Variants in MYO7B observed in about 807,000 individuals in gnomAD.
MYO7B encodes the protein myosin VIIB.
Under a neutral mutation model 259.7 loss-of-function variants are expected in MYO7B, and 212 were observed. That is an observed-to-expected ratio of 0.82 (90% CI 0.73 to 0.91). MYO7B has a LOEUF of 0.91. Among genes scored for constraint, MYO7B ranks in the 40% least tolerant of loss-of-function variants. The pLI is 0.00. For synonymous variants in MYO7B, 1,197 were observed against 1,166.4 expected (o/e 1.03, Z -0.54); for missense variants, 2,732 against 2,813.5 (o/e 0.97, Z 0.66).
At position 127,608,839 on chromosome 2, in the gene MYO7B, G is replaced by T. The variant is rs1462273761; in HGVS notation, c.2775G>T (p.Met925Ile). ...AGGTGTTCGGCTTCCTCCCTGCCAT[G>T]ATTGGGGGCCAGGAGGGCCAGGCCT... ...VEKVFGFLPA[M>I]IGGQEGQASP... Residue 925 changes from methionine (M) to isoleucine (I), a missense_variant, in exon 22 of 48, where the codon ATG becomes ATT. By Grantham distance (10) the Met-to-Ile change is conservative. Around this residue, in one of 3 missense-constraint regions of MYO7B, gnomAD observed 1,906 missense variants for 2,026.4 expected, o/e 0.94. Coordinates refer to ENST00000409816, the MANE Select transcript of MYO7B (RefSeq NM_001393586.1). The T allele has an allele frequency of 3.1e-6, 5 of 1,613,498 alleles. No homozygotes were observed. In the East Asian group the frequency reaches 1.1e-4, roughly 36 times the overall value.
At position 127,627,379 on chromosome 2, in the gene MYO7B, G is replaced by T; in HGVS notation, c.4460+69G>T. ...TGTGATGCATCTGGGGGCTCGGGGA[G>T]AGATGGGGAGAGGGGCAGTGTGCCG... On this transcript the variant is annotated intron_variant, in intron 33 of 47. Coordinates refer to ENST00000409816, the MANE Select transcript of MYO7B (RefSeq NM_001393586.1). The surrounding 1 kb of genome is among the most constrained non-coding windows in gnomAD (Gnocchi z 5.6). 3 of 1,503,566 alleles carry T rather than the reference G, an allele frequency of 2.0e-6. No individual in the cohort carries two copies. Among genetic ancestry groups the T allele is most frequent in the Non-Finnish European group, 1.8e-6 (2 of 1,099,874 alleles). 93.1% of individuals were successfully genotyped at this position (1,503,566 alleles called of 1,614,324 possible). A position where few individuals can be genotyped will look rare whatever the true frequency, so the allele number is the denominator to read the frequency against.
At chr2:127,564,077 C>T (rs1430665836) in intron 2 of MYO7B, 76 bp from the exon 3 acceptor site, 4 of 1,104,140 alleles carry the variant, frequency 3.6e-6, no homozygotes, top group Middle Eastern at 2.0e-4. Flanking sequence ...GGCATAGCCC[C>T]GAAGAGAAGT....
intron 3 of MYO7B, 87 bp downstream of exon 3, chr2:127,564,353 C>A: frequency 9.0e-7 from 1 of 1,105,226 alleles, no homozygotes; most frequent in Non-Finnish European, 1.3e-6. Flanking sequence ...AGCCTCTCCC[C>A]AACACCAGGG....
At chr2:127,536,116 G>A (rs1001743012) in intron 1 of MYO7B, among the ~76,000 whole-genome samples, 1 of 152,148 alleles carries the variant, frequency 6.6e-6, no homozygotes, top group East Asian at 1.9e-4. Flanking sequence ...GGGAACGGCA[G>A]GTGCCAAGGC....
chr2:127,620,274 A>C, intron 26 of MYO7B, 66 bp from the exon 27 acceptor site: 1 of 1,544,970 alleles, frequency 6.5e-7, no homozygotes, highest in East Asian at 2.3e-5. Context: ...CTGTGTGCCC[A>C]GGTACCCCTG....
chr2:127,610,534 C>T (rs1353188015), intron 24 of MYO7B, among the ~76,000 whole-genome samples: 1 of 152,254 alleles, frequency 6.6e-6, no homozygotes, highest in Non-Finnish European at 1.5e-5. Flanking sequence ...GCTCCTGACC[C>T]ATGTTCTACC....
rs374003962 is a variant in MYO7B at position 127,623,341 on chromosome 2, T to C, written c.3785T>C (p.Leu1262Pro). The change falls in exon 29 of 48, where the codon CTG (leucine) becomes CCG (proline). Residue 1262 changes from leucine (L) to proline (P), a missense_variant. Coordinates refer to ENST00000409816, the MANE Select transcript of MYO7B (RefSeq NM_001393586.1). ...IAHKQGLSDHLGFSLQVAVYD... is the reference protein window; with the variant it reads ...IAHKQGLSDHPGFSLQVAVYD... ...CACAAGCAGGGCCTCAGCGACCACC[T>C]GGGCTTCTCCCTCCAGGTCGCCGTG... 1 of 1,607,346 alleles carries C rather than the reference T, an allele frequency of 6.2e-7. No individual in the cohort carries two copies. The highest frequency in any genetic ancestry group is 1.3e-5 in the African/African-American group (1 of 74,748).
intron 36 of MYO7B, 49 bp downstream of exon 36, chr2:127,630,957 C>T (rs1461736908): frequency 2.0e-6 from 3 of 1,514,660 alleles, no homozygotes; most frequent in Non-Finnish European, 2.7e-6. Flanking sequence ...CTCCCAGCCC[C>T]ACCTCACCTC....
intron 6 of MYO7B, among the ~76,000 whole-genome samples, chr2:127,570,582 T>A (rs1181730588): frequency 6.6e-6 from 1 of 152,260 alleles, no homozygotes; most frequent in Non-Finnish European, 1.5e-5. Context: ...ACAGTCTCTC[T>A]CGTTTCTTTA....
At chr2:127,591,752 A>G (rs1228239670) in intron 16 of MYO7B, among the ~76,000 whole-genome samples, 1 of 152,108 alleles carries the variant, frequency 6.6e-6, no homozygotes, top group Non-Finnish European at 1.5e-5. Flanking sequence ...GTAGGTGGAG[A>G]GGGGCTCTCT....
chr2:127,615,169 C>A lies in MYO7B; in HGVS notation c.3398+2566C>A, dbSNP rs900128021. Among the ~76,000 whole-genome samples the A allele has an allele frequency of 1.3e-5, 2 of 152,120 alleles. No individual in the cohort carries two copies. The highest frequency in any genetic ancestry group is 2.9e-5 in the Non-Finnish European group (2 of 68,012). On this transcript the variant is annotated intron_variant, in intron 26 of 47. Transcript: ENST00000409816. This position sits in a 1 kb window ranked among gnomAD's most constrained non-coding sequence, Gnocchi z 4.4. The stretch of plus-strand genomic sequence containing the variant: ...TAAGATGGAGGTCTGTTCAGGGCCC[C>A]ACAGGTGCACCAAGGAGGAGTGGCC...
chr2:127,595,894 AAT>A (rs1679752555), intron 18 of MYO7B, among the ~76,000 whole-genome samples: 1 of 152,128 alleles, frequency 6.6e-6, no homozygotes, highest in Non-Finnish European at 1.5e-5. Flanking sequence ...TTATGTGATC[AAT>A]TTTAGAGTAA....
chr2:127,590,342 G>T lies in MYO7B; in HGVS notation c.1992+113G>T. 7.0e-7 allele frequency: 1 copy of T among 1,438,422 alleles called. No individual in the cohort carries two copies. The highest frequency in any genetic ancestry group is 1.4e-5 in the African/African-American group (1 of 71,222). The allele number at this position is 1,438,422 out of a possible 1,614,324, so 89.1% of individuals were successfully genotyped here. A position where few individuals can be genotyped will look rare whatever the true frequency, so the allele number is the denominator to read the frequency against. On this transcript the variant is annotated intron_variant, in intron 16 of 47. Coordinates refer to ENST00000409816, the MANE Select transcript of MYO7B (RefSeq NM_001393586.1). This position sits in a 1 kb window ranked among gnomAD's most constrained non-coding sequence, Gnocchi z 4.6. ...CCTGGCTAGCGTTAGAGCTGTTACT[G>T]CCCCTACCTTACAGATAAGTACACT...
Position 127,628,196 on chromosome 2 carries a change from C to T in MYO7B, c.4461-176C>T, listed in dbSNP as rs1681254848. The T allele has an allele frequency of 3.8e-6, 3 of 786,652 alleles. No individual in the cohort carries two copies. Among genetic ancestry groups the T allele is most frequent in the Non-Finnish European group, 6.5e-6 (3 of 464,446 alleles). The allele number at this position is 786,652 out of a possible 1,614,324, so 48.7% of individuals were successfully genotyped here. Reference sequence around the variant, plus strand: ...AGCCTCCGAGAGGTCCTGTGCTCCGCCGTCCTTCATTTGTCCAGACCCACA... The same window carrying T: ...AGCCTCCGAGAGGTCCTGTGCTCCGTCGTCCTTCATTTGTCCAGACCCACA... On this transcript the variant is annotated intron_variant, in intron 33 of 47. Transcript: ENST00000409816. The surrounding 1 kb of genome is among the most constrained non-coding windows in gnomAD (Gnocchi z 4.8).
rs1228878770 is a variant in MYO7B at position 127,592,833 on chromosome 2, T to G, written c.2032T>G (p.Ser678Ala). The G allele has an allele frequency of 6.2e-7, 1 of 1,610,208 alleles. No individual in the cohort carries two copies. The highest frequency in any genetic ancestry group is 1.7e-5 in the Admixed American group (1 of 59,812). ...RELCLRQLRY[S>A]GMMETVHIRK... ...GCTGTGCCTGCGGCAGCTGCGATACTCGGGCATGATGGAGACCGTGCACAT... is the reference window on the plus strand; with the variant it reads ...GCTGTGCCTGCGGCAGCTGCGATACGCGGGCATGATGGAGACCGTGCACAT... Residue 678 changes from serine to alanine, a missense_variant, in exon 17 of 48, where the codon TCG becomes GCG. By Grantham distance (99) the Ser-to-Ala change is moderately conservative (BLOSUM62 1). Transcript: ENST00000409816.
chr2:127,561,639 A>G (rs1233526673), intron 2 of MYO7B, among the ~76,000 whole-genome samples: 1 of 152,204 alleles, frequency 6.6e-6, no homozygotes, highest in Non-Finnish European at 1.5e-5. Context: ...GCCATAGGGC[A>G]TTCCATCTTC....
chr2:127,598,354 T>C (rs1679845708), intron 19 of MYO7B, among the ~76,000 whole-genome samples: 1 of 152,246 alleles, frequency 6.6e-6, no homozygotes, highest in South Asian at 2.1e-4. Flanking sequence ...TTTCCCGATG[T>C]GGAACACCTT....
chr2:127,631,987 G>A (rs1423788846), intron 38 of MYO7B, among the ~76,000 whole-genome samples: 1 of 152,232 alleles, frequency 6.6e-6, no homozygotes, highest in Admixed American at 6.5e-5. Flanking sequence ...GTGTGACCTG[G>A]CAGGCCATGA....
At chr2:127,629,030 C>T (rs1681314783) in intron 34 of MYO7B, among the ~76,000 whole-genome samples, 1 of 152,202 alleles carries the variant, frequency 6.6e-6, no homozygotes, top group Non-Finnish European at 1.5e-5. Context: ...TGTCTGTGGG[C>T]TATGGGGGAG....
Sources: allele counts gnomAD v4.1 joint callset (sites outside exome capture counted in the v4.1 genomes callset), GRCh38; gene constraint gnomAD v4.1.1; regional missense constraint gnomAD v4.1.1; non-coding constraint Gnocchi (gnomAD v3.1); transcripts MANE v1.5; gene names NCBI Gene and HGNC (gene_info 2026-07-23, HGNC 2026-07-21).